HECW1: variants seen among roughly 807,000 people sequenced by gnomAD.
HECW1 encodes the protein E3 ubiquitin-protein ligase HECW1.
HECW1 carries 61 observed loss-of-function variants against 182.3 expected under a neutral mutation model. That is an observed-to-expected ratio of 0.33 (90% CI 0.27 to 0.41). HECW1 has a LOEUF of 0.41. HECW1 is among the 10% of genes least tolerant of loss of function. HECW1 has a pLI of 1.00. For missense variants in HECW1, 1,739 were observed against 2,108.9 expected (o/e 0.82, Z 3.44); for synonymous variants, 859 against 832.6 (o/e 1.03, Z -0.55).
At chr7:43,131,364 A>G (rs189449507) in intron 2 of HECW1, among the ~76,000 whole-genome samples, 76 of 152,260 alleles carry the variant, frequency 5.0e-4, no homozygotes, top group Non-Finnish European at 1.0e-3. Context: ...AAGTGTTTCT[A>G]TGGCTTGACC....
At chr7:43,478,183 G>A (rs1417169191) in intron 16 of HECW1, among the ~76,000 whole-genome samples, 3 of 152,186 alleles carry the variant, frequency 2.0e-5, no homozygotes, top group East Asian at 1.9e-4. Context: ...TTGGGAGGGC[G>A]AGGTGGGCAG....
At chr7:43,487,868 A>G (rs912989203) in intron 17 of HECW1, among the ~76,000 whole-genome samples, 1 of 152,040 alleles carries the variant, frequency 6.6e-6, no homozygotes, top group Non-Finnish European at 1.5e-5. Flanking sequence ...CTGAGGCAGG[A>G]AGATTGCTTG....
chr7:43,339,657 C>T (rs888235613), intron 5 of HECW1, among the ~76,000 whole-genome samples: 4 of 152,142 alleles, frequency 2.6e-5, no homozygotes, highest in Non-Finnish European at 5.9e-5. Context: ...ACTTGAGTTA[C>T]TTTAGGTGAT....
At chr7:43,137,527 CTTTTAT>C (rs1177977523) in intron 2 of HECW1, among the ~76,000 whole-genome samples, 1 of 137,342 alleles carries the variant, frequency 7.3e-6, no homozygotes, top group Non-Finnish European at 1.6e-5. Context: ...TTTCTGCCTT[CTTTTAT>C]TTATTTATTT....
chr7:43,218,315 G>T (rs972829192), intron 2 of HECW1, among the ~76,000 whole-genome samples: 1 of 152,150 alleles, frequency 6.6e-6, no homozygotes, highest in African/African-American at 2.4e-5. Context: ...AGCAGCACTG[G>T]GTCACCTTGA....
intron 3 of HECW1, among the ~76,000 whole-genome samples, chr7:43,253,126 A>G (rs1584191786): frequency 7.1e-6 from 1 of 140,162 alleles, no homozygotes; most frequent in Non-Finnish European, 1.5e-5. Flanking sequence ...AAACATCCGC[A>G]CTTTAAAAAA....
At chr7:43,381,528 A>C in intron 6 of HECW1, among the ~76,000 whole-genome samples, 1 of 142,626 alleles carries the variant, frequency 7.0e-6, no homozygotes. Context: ...TTGCTCTGTC[A>C]CCTAGGCTGG....
intron 16 of HECW1, among the ~76,000 whole-genome samples, chr7:43,478,523 C>A (rs2078301685): frequency 6.6e-6 from 1 of 152,006 alleles, no homozygotes; most frequent in African/African-American, 2.4e-5. Flanking sequence ...TTCCATCAAA[C>A]AATATCATGT....
intron 2 of HECW1, among the ~76,000 whole-genome samples, chr7:43,212,521 C>T (rs1329248530): frequency 2.0e-5 from 3 of 152,052 alleles, no homozygotes; most frequent in African/African-American, 7.2e-5. Context: ...AACTGTTCCT[C>T]AAAACCAAAT....
intron 2 of HECW1, among the ~76,000 whole-genome samples, chr7:43,240,857 C>T (rs563809580): frequency 1.5e-3 from 234 of 152,270 alleles, no homozygotes; most frequent in African/African-American, 5.4e-3. Context: ...CCTCCAACAC[C>T]GCCCTGCTCT....
intron 11 of HECW1, among the ~76,000 whole-genome samples, chr7:43,446,878 A>G (rs181985035): frequency 6.6e-6 from 1 of 152,342 alleles, no homozygotes; most frequent in Non-Finnish European, 1.5e-5. Context: ...TTTCTTTCAC[A>G]AGGATGTTTC....
At chr7:43,221,552 T>TG (rs1796958526) in intron 2 of HECW1, among the ~76,000 whole-genome samples, 8 of 52,860 alleles carry the variant, frequency 1.5e-4, no homozygotes. Context: ...TTTTTTTTTT[T>TG]TTTTTTTTTT....
At chr7:43,177,075 G>A (rs776626300) in intron 2 of HECW1, among the ~76,000 whole-genome samples, 7 of 152,122 alleles carry the variant, frequency 4.6e-5, no homozygotes, top group Non-Finnish European at 1.0e-4. Flanking sequence ...GTTGAAAATT[G>A]CCTGAAATTG....
At chr7:43,420,966 A>C (rs987602570) in intron 8 of HECW1, among the ~76,000 whole-genome samples, 6 of 152,222 alleles carry the variant, frequency 3.9e-5, no homozygotes, top group Non-Finnish European at 8.8e-5. Flanking sequence ...TTGAAATACA[A>C]AATGCCAAGT....
intron 6 of HECW1, among the ~76,000 whole-genome samples, chr7:43,384,225 G>A (rs1056104717): frequency 1.3e-5 from 2 of 152,252 alleles, no homozygotes; most frequent in African/African-American, 4.8e-5. Context: ...GAGCACAAGT[G>A]AGTGTTGTCT....
intron 26 of HECW1, among the ~76,000 whole-genome samples, chr7:43,542,298 T>C (rs10951733): frequency 0.16 from 23,701 of 152,084 alleles, 2,166 homozygotes; most frequent in East Asian, 0.33. Flanking sequence ...AATATTTGTT[T>C]TTTTGTGGCT....
At chr7:43,334,760 CCTT>C (rs1304115284) in intron 5 of HECW1, among the ~76,000 whole-genome samples, 2 of 152,198 alleles carry the variant, frequency 1.3e-5, no homozygotes, top group Non-Finnish European at 2.9e-5. Flanking sequence ...AGAGAACCCA[CCTT>C]AGAGGGGAGA....
intron 2 of HECW1, among the ~76,000 whole-genome samples, chr7:43,143,669 T>C (rs757873618): frequency 8.5e-5 from 13 of 152,180 alleles, no homozygotes; most frequent in Non-Finnish European, 1.3e-4. Context: ...GGAACCCTTA[T>C]GCAGCTGCTG....
intron 2 of HECW1, among the ~76,000 whole-genome samples, chr7:43,198,056 C>T (rs1398780154): frequency 6.6e-6 from 1 of 151,298 alleles, no homozygotes; most frequent in African/African-American, 2.5e-5. Context: ...CATAGTCACA[C>T]ACCCCACACA....
Sources: gnomAD v4.1 joint callset for allele counts (sites outside exome capture counted in the v4.1 genomes callset) on GRCh38, gnomAD v4.1.1 for gene constraint, MANE v1.5 for transcripts, NCBI Gene and HGNC (gene_info 2026-07-23, HGNC 2026-07-21) for gene names.